Variants in RFPL1 observed in about 807,000 individuals in gnomAD.
RFPL1 encodes ret finger protein like 1.
A neutral mutation model predicts 9.6 loss-of-function variants in RFPL1; 6 were observed. The ratio of observed to expected loss-of-function variants is 0.62; its 90% CI spans 0.34 to 1.23. The LOEUF (loss-of-function observed/expected upper bound fraction) is 1.23, where lower values mean the gene tolerates loss of function less well. RFPL1 is among the 50% of genes most tolerant of loss of function. The pLI is 0.03. For missense variants in RFPL1, 352 were observed against 398.4 expected, an observed-to-expected ratio of 0.88 and a Z score of 0.99; for synonymous variants, 145 against 149.4, an observed-to-expected ratio of 0.97 and a Z score of 0.22.
the RFPL1 span, among the ~76,000 whole-genome samples, chr22:29,419,777 T>G: frequency 1.5e-3 from 201 of 135,992 alleles, 1 homozygote; most frequent in Admixed American, 2.0e-3. Flanking sequence ...CCAGCCTGGG[T>G]GACACAAAGT....
At chr22:29,421,161 C>G in the RFPL1 span, among the ~76,000 whole-genome samples, 1 of 152,158 alleles carries the variant, frequency 6.6e-6, no homozygotes, top group African/African-American at 2.4e-5. Context: ...ATGCTTGGGC[C>G]TACCCAAGAT....
At chr22:29,402,047 T>TA in the RFPL1 span, among the ~76,000 whole-genome samples, 42 of 152,116 alleles carry the variant, frequency 2.8e-4, no homozygotes, top group African/African-American at 8.4e-4. Context: ...TGTTATTCTT[T>TA]AAAAAAAATA....
chr22:29,424,354 G>C, the RFPL1 span, among the ~76,000 whole-genome samples: 18 of 152,146 alleles, frequency 1.2e-4, no homozygotes, highest in Non-Finnish European at 1.5e-5. Flanking sequence ...TTCTAGGATG[G>C]TTCTAAGATT....
At chr22:29,388,583 G>A in the RFPL1 span, 1 of 152,258 alleles carries the variant, frequency 6.6e-6, no homozygotes, top group Admixed American at 6.5e-5. Context: ...CCGCGCGCGG[G>A]TACTTCCGGT....
chr22:29,424,825 T>TCCCCCCCCCCCCC, the RFPL1 span, among the ~76,000 whole-genome samples: 1 of 57,002 alleles, frequency 1.8e-5, no homozygotes. Context: ...TGTCTCCCTG[T>TCCCCCCCCCCCCC]CCCTCCCACC....
At chr22:29,410,624 TAG>T in the RFPL1 span, among the ~76,000 whole-genome samples, 1 of 138,930 alleles carries the variant, frequency 7.2e-6, no homozygotes, top group Non-Finnish European at 1.5e-5. Context: ...TATCTATATA[TAG>T]ATAGATATAT....
the RFPL1 span, among the ~76,000 whole-genome samples, chr22:29,406,789 G>T: frequency 6.6e-6 from 1 of 152,216 alleles, no homozygotes; most frequent in African/African-American, 2.4e-5. Context: ...TAAGAAGTCT[G>T]CTCTACCTTG....
At chr22:29,439,488 C>T in intron 1 of RFPL1, 1 of 279,052 alleles carries the variant, frequency 3.6e-6, no homozygotes, top group Non-Finnish European at 6.8e-6. Flanking sequence ...AAAAAATTAG[C>T]CAGGCTTGGT....
chr22:29,390,314 T>C, the RFPL1 span, among the ~76,000 whole-genome samples: 1 of 152,146 alleles, frequency 6.6e-6, no homozygotes, highest in South Asian at 2.1e-4. Context: ...TTGCTAAGTC[T>C]CTACGTCCTA....
the RFPL1 span, among the ~76,000 whole-genome samples, chr22:29,421,910 T>C: frequency 1.3e-5 from 2 of 152,162 alleles, no homozygotes; most frequent in African/African-American, 4.8e-5. Flanking sequence ...CATGGTAGGT[T>C]CTCAGTAAAA....
the RFPL1 span, among the ~76,000 whole-genome samples, chr22:29,389,806 T>G: frequency 6.6e-6 from 1 of 152,032 alleles, no homozygotes; most frequent in Non-Finnish European, 1.5e-5. Flanking sequence ...TTTTTTTTGT[T>G]TGTTTGTTTT....
At chr22:29,430,838 TTC>T in the RFPL1 span, among the ~76,000 whole-genome samples, 1 of 152,218 alleles carries the variant, frequency 6.6e-6, no homozygotes, top group South Asian at 2.1e-4. Context: ...CTTTTTATTT[TTC>T]CTAAGCAGAT....
chr22:29,419,123 T>A, the RFPL1 span: 3 of 1,554,056 alleles, frequency 1.9e-6, no homozygotes, highest in Non-Finnish European at 2.7e-6. Context: ...GTCAGCCAGC[T>A]TCCAGCTGCC....
At chr22:29,425,475 A>C in the RFPL1 span, among the ~76,000 whole-genome samples, 55 of 152,294 alleles carry the variant, frequency 3.6e-4, no homozygotes, top group African/African-American at 1.2e-3. Context: ...CTTGCAAGGA[A>C]ATTAAAAACC....
At chr22:29,413,988 A>C in the RFPL1 span, among the ~76,000 whole-genome samples, 2 of 152,180 alleles carry the variant, frequency 1.3e-5, no homozygotes, top group African/African-American at 4.8e-5. Context: ...TACCTTATAC[A>C]CCTTGCACAT....
At chr22:29,414,577 A>G in the RFPL1 span, among the ~76,000 whole-genome samples, 1 of 152,094 alleles carries the variant, frequency 6.6e-6, no homozygotes, top group Non-Finnish European at 1.5e-5. Flanking sequence ...TTCCTCAATT[A>G]CAGAATACTG....
the RFPL1 span, among the ~76,000 whole-genome samples, chr22:29,426,941 G>T: frequency 6.6e-6 from 1 of 152,192 alleles, no homozygotes; most frequent in African/African-American, 2.4e-5. Flanking sequence ...TTGAGAAGGT[G>T]GAGACGAACG....
the RFPL1 span, among the ~76,000 whole-genome samples, chr22:29,417,378 A>C: frequency 1.8e-4 from 27 of 151,702 alleles, no homozygotes; most frequent in African/African-American, 5.8e-4. Flanking sequence ...CTCTCTGCAG[A>C]GCCCCTTCCC....
chr22:29,395,841 T>C, the RFPL1 span, among the ~76,000 whole-genome samples: 49,345 of 151,812 alleles, frequency 0.33, 10,035 homozygotes, highest in African/African-American at 0.56. Flanking sequence ...GGGATGGTGG[T>C]GAGTGCCTGT....
Sources: allele counts gnomAD v4.1 joint callset (sites outside exome capture counted in the v4.1 genomes callset), GRCh38; gene constraint gnomAD v4.1.1; transcripts MANE v1.5; gene names NCBI Gene and HGNC (gene_info 2026-07-23, HGNC 2026-07-21).